HPSE2: variants seen among roughly 807,000 people sequenced by gnomAD.
The protein encoded by HPSE2 is heparanase 2 (inactive), also known as inactive heparanase-2.
A neutral mutation model predicts 60.5 loss-of-function variants in HPSE2; 38 were observed. That is an observed-to-expected ratio of 0.63 (90% confidence interval 0.48 to 0.82). HPSE2 has a LOEUF of 0.82. Among genes scored for constraint, HPSE2 ranks in the 40% least tolerant of loss-of-function variants. HPSE2 has a pLI of 0.00. For synonymous variants in HPSE2, 295 were observed against 293.2 expected, an observed-to-expected ratio of 1.01 and a Z score of -0.06; for missense variants, 713 against 740.4, an observed-to-expected ratio of 0.96 and a Z score of 0.43.
rs764186046 is a variant in HPSE2 at position 98,654,826 on chromosome 10, G to C, written c.1005-12886C>G. On this transcript the variant is annotated intron_variant, in intron 6 of 11. Coordinates refer to ENST00000370552, the MANE Select transcript of HPSE2 (RefSeq NM_021828.5). Reference sequence around the variant, plus strand: ...TTAGGTAATAGGAACTGAGGAAAAAGACCTTTGGCGTGAGGTTTTGGGCGA... The same window carrying C: ...TTAGGTAATAGGAACTGAGGAAAAACACCTTTGGCGTGAGGTTTTGGGCGA... 2.6e-5 allele frequency among the ~76,000 whole-genome samples: 4 copies of C among 152,168 alleles called. No homozygotes were observed. The South Asian group carries it at 8.3e-4, about 31-fold the overall frequency.
At chr10:99,164,961 C>T (rs758433822) in intron 2 of HPSE2, among the ~76,000 whole-genome samples, 23 of 151,530 alleles carry the variant, frequency 1.5e-4, no homozygotes, top group Non-Finnish European at 2.8e-4. Flanking sequence ...CGCACGCCTG[C>T]GGTCCCAGCT....
intron 3 of HPSE2, among the ~76,000 whole-genome samples, chr10:98,971,917 C>T (rs149533055): frequency 6.6e-6 from 1 of 152,224 alleles, no homozygotes; most frequent in Non-Finnish European, 1.5e-5. Context: ...TCCTATACCC[C>T]CTACTCTTAC....
chr10:98,509,954 G>GACAC (rs147354591), intron 9 of HPSE2, among the ~76,000 whole-genome samples: 1 of 150,232 alleles, frequency 6.7e-6, no homozygotes, highest in Non-Finnish European at 1.5e-5. Context: ...CTCTGCCAGG[G>GACAC]ACACACACAC....
intron 9 of HPSE2, among the ~76,000 whole-genome samples, chr10:98,592,637 G>A (rs1945121210): frequency 6.6e-6 from 1 of 152,170 alleles, no homozygotes; most frequent in Non-Finnish European, 1.5e-5. Flanking sequence ...GTGGTCCAGA[G>A]AGAGCCTAAA....
At chr10:99,167,299 G>A (rs770642233) in intron 2 of HPSE2, among the ~76,000 whole-genome samples, 9 of 152,184 alleles carry the variant, frequency 5.9e-5, no homozygotes, top group Middle Eastern at 3.4e-3. Flanking sequence ...ATGAGCCACC[G>A]TGCCCGGCCC....
chr10:99,048,138 T>C (rs1422030210), intron 3 of HPSE2: 19 of 914,422 alleles, frequency 2.1e-5, no homozygotes, highest in Middle Eastern at 3.3e-4. Context: ...AAGAAGCAAA[T>C]TGCTTTGACA....
chr10:98,906,113 T>C (rs1249655744), intron 3 of HPSE2, among the ~76,000 whole-genome samples: 1 of 152,212 alleles, frequency 6.6e-6, no homozygotes, highest in African/African-American at 2.4e-5. Context: ...TGAAAGGCCA[T>C]CCCAGCTCCA....
intron 3 of HPSE2, among the ~76,000 whole-genome samples, chr10:99,131,833 C>T (rs111306583): frequency 4.6e-5 from 7 of 152,038 alleles, no homozygotes; most frequent in Non-Finnish European, 8.8e-5. Flanking sequence ...AACTAAAGGC[C>T]GGGTACAGTG....
intron 3 of HPSE2, among the ~76,000 whole-genome samples, chr10:98,901,080 G>T (rs1953654021): frequency 6.6e-6 from 1 of 152,136 alleles, no homozygotes; most frequent in African/African-American, 2.4e-5. Flanking sequence ...GAGTTACTGT[G>T]CTGAGCAAAG....
chr10:98,498,275 G>T (rs1319933337), intron 9 of HPSE2, among the ~76,000 whole-genome samples: 1 of 152,150 alleles, frequency 6.6e-6, no homozygotes, highest in Non-Finnish European at 1.5e-5. Context: ...TAAATACTGT[G>T]CTGGTATCCA....
chr10:98,833,360 A>G (rs1278495997), intron 3 of HPSE2, among the ~76,000 whole-genome samples: 2 of 152,172 alleles, frequency 1.3e-5, no homozygotes, highest in Non-Finnish European at 2.9e-5. Context: ...ACATGTGCCA[A>G]AGTCTTCTGT....
intron 3 of HPSE2, among the ~76,000 whole-genome samples, chr10:99,114,623 AAAG>A (rs1198426828): frequency 1.3e-5 from 2 of 152,182 alleles, no homozygotes; most frequent in Non-Finnish European, 2.9e-5. Context: ...AATCCTGAGA[AAAG>A]AAGAATGGCT....
intron 6 of HPSE2, among the ~76,000 whole-genome samples, chr10:98,670,403 T>C (rs1947475242): frequency 6.6e-6 from 1 of 152,232 alleles, no homozygotes; most frequent in South Asian, 2.1e-4. Context: ...CTTAGAAATG[T>C]TCAAGACCAG....
chr10:98,582,928 T>C (rs936748931), intron 9 of HPSE2, among the ~76,000 whole-genome samples: 2 of 152,060 alleles, frequency 1.3e-5, no homozygotes, highest in African/African-American at 4.8e-5. Context: ...CCCCCAACCG[T>C]TTTCTCCTCT....
At chr10:98,960,730 T>TTTTTTTTTTTTTTTTTTTTTTG (rs1955647062) in intron 3 of HPSE2, among the ~76,000 whole-genome samples, 3 of 24,792 alleles carry the variant, frequency 1.2e-4, no homozygotes, top group Admixed American at 3.4e-4. Context: ...TGTTTTATTT[T>TTTTTTTTTTTTTTTTTTTTTTG]TTTTATTTTA....
chr10:98,827,459 G>A (rs1951578366), intron 3 of HPSE2, among the ~76,000 whole-genome samples: 2 of 152,088 alleles, frequency 1.3e-5, no homozygotes, highest in South Asian at 4.1e-4. Context: ...GCCCACCTCG[G>A]CCTCCCAAAG....
chr10:98,856,535 A>C (rs1952319541), intron 3 of HPSE2, among the ~76,000 whole-genome samples: 2 of 152,200 alleles, frequency 1.3e-5, no homozygotes, highest in African/African-American at 4.8e-5. Flanking sequence ...GAATTATAGT[A>C]GATTTATTAG....
intron 3 of HPSE2, among the ~76,000 whole-genome samples, chr10:98,792,944 T>C (rs2134490151): frequency 6.6e-6 from 1 of 152,112 alleles, no homozygotes; most frequent in East Asian, 1.9e-4. Flanking sequence ...ATGCTTGCCT[T>C]AGCTCATCTC....
chr10:98,621,127 A>G (rs1167664188), intron 7 of HPSE2, among the ~76,000 whole-genome samples: 1 of 152,132 alleles, frequency 6.6e-6, no homozygotes, highest in Non-Finnish European at 1.5e-5. Context: ...AATGCAACAC[A>G]AGCATCAAAA....
Sources: allele counts gnomAD v4.1 joint callset (sites outside exome capture counted in the v4.1 genomes callset), GRCh38; gene constraint gnomAD v4.1.1; transcripts MANE v1.5; gene names NCBI Gene and HGNC (gene_info 2026-07-23, HGNC 2026-07-21).